Variants in DOCK7 observed in about 807,000 individuals in gnomAD.
DOCK7 encodes the protein dedicator of cytokinesis 7.
Under a neutral mutation model 271.0 loss-of-function variants are expected in DOCK7, and 138 were observed. The ratio of observed to expected loss-of-function variants is 0.51; its 90% CI spans 0.44 to 0.59. The LOEUF (loss-of-function observed/expected upper bound fraction) is 0.59, where lower values mean the gene tolerates loss of function less well. Ranked by LOEUF, DOCK7 falls within the 20% of genes least tolerant of loss-of-function variation. The pLI, the probability that DOCK7 is intolerant of heterozygous loss-of-function variation, is 0.00. For synonymous variants in DOCK7, 823 were observed against 876.1 expected (o/e 0.94, Z 1.07); for missense variants, 2,066 against 2,592.4 (o/e 0.80, Z 4.41).
At position 62,636,554 on chromosome 1, in the gene DOCK7, C is replaced by T. The variant is rs1329011971; in HGVS notation, c.868G>A (p.Val290Ile). Reference protein sequence around the residue: ...PIFASLALYDVKEKKKISENF... With the variant: ...PIFASLALYDIKEKKKISENF... The stretch of plus-strand genomic sequence containing the variant: ...AATCTTACCTTTTTCTTTTCCTTGA[C>T]ATCATATAAAGCCAAACTTGCAAAA... The change falls in exon 8 of 50, where the codon GTC (valine) becomes ATC (isoleucine). Residue 290 changes from valine to isoleucine, a missense_variant. Physicochemically the swap from Val to Ile is conservative, Grantham distance 29 (BLOSUM62 3). Around this residue, in one of 2 missense-constraint regions of DOCK7, gnomAD observed 1,414 missense variants for 1,670.4 expected, o/e 0.85. Transcript: ENST00000635253. 1 of 1,601,666 alleles carries T rather than the reference C, an allele frequency of 6.2e-7. No homozygotes were observed. The highest frequency in any genetic ancestry group is 1.7e-5 in the Admixed American group (1 of 59,224).
chr1:62,604,677 G>C (rs747219923), intron 14 of DOCK7: 1 of 1,613,128 alleles, frequency 6.2e-7, no homozygotes, highest in Non-Finnish European at 8.5e-7. Flanking sequence ...CAACCTAAAT[G>C]GTAAATATAA....
At chr1:62,568,660 T>C (rs1571578465) in intron 18 of DOCK7, among the ~76,000 whole-genome samples, 1 of 80,574 alleles carries the variant, frequency 1.2e-5, no homozygotes, top group African/African-American at 4.8e-5. Context: ...AATCCTAACA[T>C]CACAACTAAA....
chr1:62,488,914 C>T lies in DOCK7; in HGVS notation c.5493+20G>A. 6.2e-7 allele frequency: 1 copy of T among 1,613,246 alleles called. No individual in the cohort carries two copies. ...ACAGTTTTTTCCCTTTATAGTGAAGCTAGAAATTGGAATCATTACCTGATG... is the reference window on the plus strand; with the variant it reads ...ACAGTTTTTTCCCTTTATAGTGAAGTTAGAAATTGGAATCATTACCTGATG... On this transcript the variant is annotated intron_variant, in intron 42 of 49. Coordinates refer to ENST00000635253, the MANE Select transcript of DOCK7 (RefSeq NM_001367561.1).
intron 36 of DOCK7, 114 bp from the exon 37 acceptor site, chr1:62,504,896 G>A: frequency 7.9e-7 from 1 of 1,269,472 alleles, no homozygotes; most frequent in Non-Finnish European, 1.1e-6. Context: ...TAAAAGAATG[G>A]TTAGGACAAT....
At chr1:62,533,789 C>T (rs1453144114) in intron 29 of DOCK7, among the ~76,000 whole-genome samples, 2 of 152,140 alleles carry the variant, frequency 1.3e-5, no homozygotes, top group African/African-American at 4.8e-5. Flanking sequence ...GACATACCTC[C>T]TCTTTTATTC....
chr1:62,586,624 T>C lies in DOCK7; in HGVS notation c.1683A>G (p.Arg561=), dbSNP rs2149499256. 6.4e-7 allele frequency: 1 copy of C among 1,573,576 alleles called. No individual in the cohort carries two copies. The highest frequency in any genetic ancestry group is 8.7e-7 in the Non-Finnish European group (1 of 1,145,674). Residue 561 remains arginine, a splice_region_variant and synonymous_variant, in exon 15 of 50, where the codon AGA becomes AGG. Coordinates refer to ENST00000635253, the MANE Select transcript of DOCK7 (RefSeq NM_001367561.1). ...TCTGAGGGTATATGTAGAGAAGATT[T>C]CTGTGAAAGCAACAGTATAGATGAT... ...RDVYVPNTTY[R]NLLYIYPQSL... is the part of the protein sequence containing the mutation.
chr1:62,620,923 A>T (rs1372332952), intron 12 of DOCK7, among the ~76,000 whole-genome samples: 1 of 151,322 alleles, frequency 6.6e-6, no homozygotes, highest in Non-Finnish European at 1.5e-5. Context: ...AACCAATACA[A>T]GTTAGAGATA....
chr1:62,577,144 T>G (rs975630832), intron 18 of DOCK7, 118 bp downstream of exon 18: 1 of 504,126 alleles, frequency 2.0e-6, no homozygotes, highest in Non-Finnish European at 3.3e-6. Flanking sequence ...ATACTTTTCC[T>G]TCATTATCTA....
At chr1:62,672,702 T>C (rs2149748122) in intron 1 of DOCK7, among the ~76,000 whole-genome samples, 1 of 152,228 alleles carries the variant, frequency 6.6e-6, no homozygotes, top group African/African-American at 2.4e-5. Context: ...CTAAATTCTC[T>C]GCAGCAACAT....
At chr1:62,670,328 C>T (rs1250871951) in intron 1 of DOCK7, among the ~76,000 whole-genome samples, 1 of 152,272 alleles carries the variant, frequency 6.6e-6, no homozygotes, top group Non-Finnish European at 1.5e-5. Context: ...GTGCGGGATC[C>T]ACTACGTGAA....
At chr1:62,648,570 A>G in intron 4 of DOCK7, 26 bp from the exon 5 acceptor site, 1 of 1,179,476 alleles carries the variant, frequency 8.5e-7, no homozygotes, top group Non-Finnish European at 1.1e-6. Flanking sequence ...AGTTAAATAA[A>G]TATCAACTAT....
chr1:62,675,581 G>C (rs372265554), intron 1 of DOCK7, among the ~76,000 whole-genome samples: 1 of 152,054 alleles, frequency 6.6e-6, no homozygotes, highest in Non-Finnish European at 1.5e-5. Flanking sequence ...AGGAGATCAG[G>C]ACCATCCTGG....
At chr1:62,652,557 A>C (rs1402348257) in intron 4 of DOCK7, among the ~76,000 whole-genome samples, 1 of 152,120 alleles carries the variant, frequency 6.6e-6, no homozygotes, top group African/African-American at 2.4e-5. Flanking sequence ...AGTGCCCAAT[A>C]AAATGCCCAG....
chr1:62,635,735 T>C (rs1352600176), intron 8 of DOCK7: 1 of 152,174 alleles, frequency 6.6e-6, no homozygotes, highest in African/African-American at 2.4e-5. Flanking sequence ...CTGAAGGCAC[T>C]TCAAGTTTCC....
At chr1:62,642,571 A>G (rs940992982) in intron 7 of DOCK7, among the ~76,000 whole-genome samples, 3 of 152,172 alleles carry the variant, frequency 2.0e-5, no homozygotes, top group South Asian at 2.1e-4. Context: ...TAAAATATCA[A>G]TATCTTTATT....
chr1:62,578,972 T>G lies in DOCK7; in HGVS notation c.1872-6A>C. On this transcript the variant is annotated splice_region_variant and splice_polypyrimidine_tract_variant and intron_variant, in intron 16 of 49. Transcript: ENST00000635253. Reference sequence around the variant, plus strand: ...CTTCATGAAAATCAGGAGACCTTCATACAAAAAAAAAAAAAAATCAACAGT... The same window carrying G: ...CTTCATGAAAATCAGGAGACCTTCAGACAAAAAAAAAAAAAAATCAACAGT... The G allele has an allele frequency of 1.4e-6, 2 of 1,452,102 alleles. No individual in the cohort carries two copies. Among genetic ancestry groups the G allele is most frequent in the Admixed American group, 2.6e-5 (1 of 38,642 alleles). 90.0% of individuals were successfully genotyped at this position (1,452,102 alleles called of 1,614,324 possible). A position where few individuals can be genotyped will look rare whatever the true frequency, so the allele number is the denominator to read the frequency against.
intron 43 of DOCK7, chr1:62,485,508 A>G: frequency 1.0e-6 from 1 of 985,430 alleles, no homozygotes; most frequent in Non-Finnish European, 1.2e-6. Flanking sequence ...GCCTTTCTAC[A>G]ATGCACAGAT....
chr1:62,535,372 G>A, intron 29 of DOCK7, 121 bp downstream of exon 29: 1 of 761,706 alleles, frequency 1.3e-6, no homozygotes, highest in Non-Finnish European at 2.0e-6. Context: ...TAGTGAAGAG[G>A]GAAGTAGAAA....
intron 14 of DOCK7, chr1:62,604,748 T>G (rs908659981): frequency 1.2e-6 from 2 of 1,613,074 alleles, no homozygotes; most frequent in African/African-American, 1.3e-5. Flanking sequence ...AGTCTCAAAA[T>G]GGAAGGTTAT....
Sources: allele counts gnomAD v4.1 joint callset (sites outside exome capture counted in the v4.1 genomes callset), GRCh38; gene constraint gnomAD v4.1.1; regional missense constraint gnomAD v4.1.1; transcripts MANE v1.5; gene names NCBI Gene and HGNC (gene_info 2026-07-23, HGNC 2026-07-21).